MAGI2: variants seen among roughly 807,000 people sequenced by gnomAD.
MAGI2 encodes membrane-associated guanylate kinase, WW and PDZ domain-containing protein 2.
Under a neutral mutation model 133.3 loss-of-function variants are expected in MAGI2, and 35 were observed. That is an observed-to-expected ratio of 0.26 (90% confidence interval 0.20 to 0.35). The LOEUF (loss-of-function observed/expected upper bound fraction) is 0.35. Ranked by LOEUF, MAGI2 falls within the 10% of genes least tolerant of loss-of-function variation. MAGI2 has a pLI of 1.00. For missense variants in MAGI2, 1,636 were observed against 1,863.4 expected (o/e 0.88, Z 2.25); for synonymous variants, 729 against 710.6 (o/e 1.03, Z -0.41).
intron 21 of MAGI2, among the ~76,000 whole-genome samples, chr7:78,046,153 T>C (rs1156271636): frequency 6.6e-6 from 1 of 151,136 alleles, no homozygotes; most frequent in Admixed American, 6.6e-5. Flanking sequence ...CCCAGCACTT[T>C]GGGAGGCCAA....
rs764279398 is a variant in MAGI2 at position 78,135,030 on chromosome 7, G to T, written c.3022C>A (p.Pro1008Thr). Residue 1008 changes from proline (P) to threonine (T), a missense_variant, in exon 17 of 22, where the codon CCT (proline) becomes ACT (threonine). Pro to Thr is a conservative substitution (Grantham distance 38). Coordinates refer to ENST00000354212, the MANE Select transcript of MAGI2 (RefSeq NM_012301.4). ...AGLSVTLRII[P>T]QEELNSPTSA... ...TGCCTCAGGCACTCACCCTCCTGAG[G>T]AATGATGCGAAGGGTGACACTAAGA... 1 of 1,613,964 alleles carries T rather than the reference G, an allele frequency of 6.2e-7. No homozygotes were observed. Among genetic ancestry groups the T allele is most frequent in the South Asian group, 1.1e-5 (1 of 91,060 alleles).
intron 2 of MAGI2, among the ~76,000 whole-genome samples, chr7:78,938,580 A>G (rs1296849894): frequency 1.3e-5 from 2 of 152,130 alleles, no homozygotes; most frequent in Non-Finnish European, 2.9e-5. Flanking sequence ...GGGAAGGAAA[A>G]TATGAGGAAG....
At chr7:78,787,342 T>A (rs1226596838) in intron 2 of MAGI2, among the ~76,000 whole-genome samples, 1 of 152,156 alleles carries the variant, frequency 6.6e-6, no homozygotes, top group Non-Finnish European at 1.5e-5. Flanking sequence ...ATGGAGGCCA[T>A]TTTTTGGAAC....
At chr7:78,581,250 A>G (rs944744189) in intron 3 of MAGI2, among the ~76,000 whole-genome samples, 2 of 152,192 alleles carry the variant, frequency 1.3e-5, no homozygotes, top group African/African-American at 4.8e-5. Flanking sequence ...GCTCCCCTCA[A>G]GGGTGTCTGG....
intron 2 of MAGI2, among the ~76,000 whole-genome samples, chr7:78,721,278 T>C (rs323144): frequency 0.21 from 32,391 of 151,870 alleles, 3,808 homozygotes; most frequent in East Asian, 0.39. Context: ...TGTATATGTA[T>C]GTATATGCCC....
At chr7:79,022,492 C>A (rs1743083558) in intron 1 of MAGI2, among the ~76,000 whole-genome samples, 1 of 151,828 alleles carries the variant, frequency 6.6e-6, no homozygotes, top group Non-Finnish European at 1.5e-5. Flanking sequence ...GAAATGAAAT[C>A]CAAAGCTAGC....
At chr7:78,280,316 G>A (rs1336727936) in intron 9 of MAGI2, among the ~76,000 whole-genome samples, 1 of 152,056 alleles carries the variant, frequency 6.6e-6, no homozygotes, top group African/African-American at 2.4e-5. Context: ...TGGAAGGGGT[G>A]GTGGTTACTG....
chr7:78,483,496 T>G (rs565641504), intron 6 of MAGI2, among the ~76,000 whole-genome samples: 1 of 152,038 alleles, frequency 6.6e-6, no homozygotes, highest in Admixed American at 6.6e-5. Flanking sequence ...ATATCTTTTA[T>G]GGTCTGGACA....
chr7:78,944,629 A>G (rs1411743746), intron 2 of MAGI2, among the ~76,000 whole-genome samples: 1 of 152,162 alleles, frequency 6.6e-6, no homozygotes, highest in African/African-American at 2.4e-5. Context: ...TCAATTTATT[A>G]CACTTGGGTA....
chr7:79,038,630 A>C (rs139366781), intron 1 of MAGI2, among the ~76,000 whole-genome samples: 70 of 152,326 alleles, frequency 4.6e-4, no homozygotes, highest in African/African-American at 1.5e-3. Flanking sequence ...TTGTTCATCA[A>C]GAATCATATA....
chr7:78,836,902 GC>G (rs1791672773), intron 2 of MAGI2, among the ~76,000 whole-genome samples: 3 of 52,460 alleles, frequency 5.7e-5, no homozygotes, highest in Non-Finnish European at 1.5e-4. Context: ...ATTATACTCA[GC>G]CTCAGCTGTT....
At position 78,805,268 on chromosome 7, in the gene MAGI2, A is replaced by C. The variant is rs145671291; in HGVS notation, c.419-178029T>G. Reference sequence around the variant, plus strand: ...TTTGAAGGAAGAGTAAAAAAAAAAAAAACCCACAAAACAATTGACAGATTA... The same window carrying C: ...TTTGAAGGAAGAGTAAAAAAAAAAACAACCCACAAAACAATTGACAGATTA... On this transcript the variant is annotated intron_variant, in intron 2 of 21. Transcript: ENST00000354212. Among the ~76,000 whole-genome samples the C allele has an allele frequency of 4.2e-3, 637 of 151,254 alleles. 4 individuals carry two copies. The highest frequency in any genetic ancestry group is 0.015 in the African/African-American group (602 of 41,372).
At chr7:79,384,301 T>C (rs1184207118) in intron 1 of MAGI2, among the ~76,000 whole-genome samples, 1 of 151,496 alleles carries the variant, frequency 6.6e-6, no homozygotes. Context: ...GTTACAAAGA[T>C]GGATTGAAGT....
intron 2 of MAGI2, among the ~76,000 whole-genome samples, chr7:78,747,147 C>T (rs1200695566): frequency 1.3e-5 from 2 of 152,120 alleles, no homozygotes; most frequent in Non-Finnish European, 2.9e-5. Flanking sequence ...TCAGAATTCT[C>T]GTGGCTTGTG....
At chr7:78,083,826 G>T (rs115289799) in intron 20 of MAGI2, among the ~76,000 whole-genome samples, 8 of 152,300 alleles carry the variant, frequency 5.3e-5, no homozygotes, top group African/African-American at 1.4e-4. Context: ...GAAGGCCAAG[G>T]CAGGAGAAGG....
At chr7:78,290,372 G>C (rs564553263) in intron 9 of MAGI2, among the ~76,000 whole-genome samples, 19 of 152,068 alleles carry the variant, frequency 1.2e-4, no homozygotes, top group Non-Finnish European at 2.4e-4. Context: ...AATAGTAAAG[G>C]GATCAATGCA....
chr7:78,772,151 C>T (rs113667331), intron 2 of MAGI2, among the ~76,000 whole-genome samples: 4 of 152,174 alleles, frequency 2.6e-5, no homozygotes, highest in African/African-American at 7.2e-5. Flanking sequence ...TCCTCTGCTG[C>T]AAAGTTTTTA....
intron 2 of MAGI2, among the ~76,000 whole-genome samples, chr7:78,990,387 T>C (rs1469448965): frequency 6.6e-6 from 1 of 152,062 alleles, no homozygotes; most frequent in Non-Finnish European, 1.5e-5. Context: ...AATCTTCACA[T>C]CCTCTACTTA....
At chr7:78,503,337 G>C (rs994241931) in intron 4 of MAGI2, among the ~76,000 whole-genome samples, 1 of 152,052 alleles carries the variant, frequency 6.6e-6, no homozygotes, top group African/African-American at 2.4e-5. Context: ...AAGATACGGG[G>C]AGAAAATAAA....
Sources: allele counts gnomAD v4.1 joint callset (sites outside exome capture counted in the v4.1 genomes callset), GRCh38; gene constraint gnomAD v4.1.1; transcripts MANE v1.5; gene names NCBI Gene and HGNC (gene_info 2026-07-23, HGNC 2026-07-21).